Variants in SCRT1 observed in about 807,000 individuals in gnomAD.
The protein encoded by SCRT1 is transcriptional repressor scratch 1.
SCRT1 carries 1 observed loss-of-function variant against 3.4 expected under a neutral mutation model. That is an observed-to-expected ratio of 0.29 (90% CI 0.10 to 1.39). The LOEUF is 1.39. Among genes scored for constraint, SCRT1 ranks in the 40% most tolerant of loss-of-function variants. The pLI is 0.42. For synonymous variants in SCRT1, 238 were observed against 247.0 expected (o/e 0.96, Z 0.34); for missense variants, 380 against 526.3 (o/e 0.72, Z 2.72).
chr8:144,334,131 G>T lies in SCRT1; in HGVS notation c.116-15C>A. 6.6e-7 allele frequency: 1 copy of T among 1,517,084 alleles called. No homozygotes were observed. The allele number at this position is 1,517,084 out of a possible 1,614,324, so 94.0% of individuals were successfully genotyped here. A position where few individuals can be genotyped will look rare whatever the true frequency, so the allele number is the denominator to read the frequency against. ...GCTGAGGTACCCTGCGGGCGGAGGC[G>T]GACGGACAGCGGGAAGGGAATGGGG... On this transcript the variant is annotated splice_polypyrimidine_tract_variant and intron_variant, in intron 1 of 1. Transcript: ENST00000569446.
chr8:144,333,862 A>T lies in SCRT1; in HGVS notation c.370T>A (p.Ser124Thr). ...ADAFFITDGR[S>T]RRKASNAGAA... The stretch of plus-strand genomic sequence containing the variant: ...CCGGCATTGGAAGCCTTACGCCGCG[A>T]GCGCCCGTCGGTGATGAAGAAGGCG... The change falls in exon 2 of 2, where the codon TCG becomes ACG. Residue 124 changes from serine to threonine, a missense_variant. By Grantham distance (58) the Ser-to-Thr change is moderately conservative. Coordinates refer to ENST00000569446, the MANE Select transcript of SCRT1 (RefSeq NM_031309.6). 1 of 1,261,756 alleles carries T rather than the reference A, an allele frequency of 7.9e-7. No homozygotes were observed. Among genetic ancestry groups the T allele is most frequent in the South Asian group, 2.8e-5 (1 of 35,096 alleles). The allele number at this position is 1,261,756 out of a possible 1,614,324, so 78.2% of individuals were successfully genotyped here.
Position 144,336,030 on chromosome 8 carries a change from G to A in SCRT1, c.115+25C>T. 9.3e-6 allele frequency: 14 copies of A among 1,508,978 alleles called. No individual in the cohort carries two copies. The highest frequency in any genetic ancestry group is 1.3e-5 in the Non-Finnish European group (14 of 1,115,662). 93.5% of individuals were successfully genotyped at this position (1,508,978 alleles called of 1,614,324 possible). A position where few individuals can be genotyped will look rare whatever the true frequency, so the allele number is the denominator to read the frequency against. On this transcript the variant is annotated intron_variant, in intron 1 of 1. Transcript: ENST00000569446. This position sits in a 1 kb window ranked among gnomAD's most constrained non-coding sequence, Gnocchi z 6.8. ...CTTCCAGCAAAGCCCCAGGCCCCGC[G>A]CCCTGGTCTCAGACCAGCGCTCACC...
chr8:144,333,007 T>G lies in SCRT1; in HGVS notation c.*178A>C. On this transcript the variant is annotated 3_prime_UTR_variant, in exon 2 of 2. Coordinates refer to ENST00000569446, the MANE Select transcript of SCRT1 (RefSeq NM_031309.6). ...GGGTGGGTCTCCCCTCGGGACCCTA[T>G]TGCTTGAAGGGGCCGGCAAGGCCCC... 2 of 577,938 alleles carry G rather than the reference T, an allele frequency of 3.5e-6. No homozygotes were observed. The allele number at this position is 577,938 out of a possible 1,614,324, so 35.8% of individuals were successfully genotyped here. A position where few individuals can be genotyped will look rare whatever the true frequency, so the allele number is the denominator to read the frequency against.
At position 144,330,690 on chromosome 8, in the gene SCRT1, G is replaced by A. The variant is rs782696477; in HGVS notation, c.*2495C>T. Reference sequence around the variant, plus strand: ...TCCGGCCGGCCTGGCCCCAAATGGGGGCGGAAGAGGGGCACGGCCCGAGTA... The same window carrying A: ...TCCGGCCGGCCTGGCCCCAAATGGGAGCGGAAGAGGGGCACGGCCCGAGTA... On this transcript the variant is annotated 3_prime_UTR_variant, in exon 2 of 2. Transcript: ENST00000569446. 6.6e-6 allele frequency: 1 copy of A among 152,054 alleles called. No individual in the cohort carries two copies. Among genetic ancestry groups the A allele is most frequent in the Non-Finnish European group, 1.5e-5 (1 of 67,988 alleles). The allele number at this position is 152,054 out of a possible 1,614,324, so 9.4% of individuals were successfully genotyped here. A position where few individuals can be genotyped will look rare whatever the true frequency, so the allele number is the denominator to read the frequency against.
At position 144,331,544 on chromosome 8, in the gene SCRT1, TG is replaced by T. The variant is rs1554849504; in HGVS notation, c.*1640del. 2.0e-5 allele frequency: 3 copies of T among 152,338 alleles called. No individual in the cohort carries two copies. Among genetic ancestry groups the T allele is most frequent in the African/African-American group, 7.2e-5 (3 of 41,466 alleles). The allele number at this position is 152,338 out of a possible 1,614,324, so 9.4% of individuals were successfully genotyped here. A position where few individuals can be genotyped will look rare whatever the true frequency, so the allele number is the denominator to read the frequency against. On this transcript the variant is annotated 3_prime_UTR_variant, in exon 2 of 2. Transcript: ENST00000569446. ...TCCTGCAAACACACCTCCCAGCAGG[TG>T]GCTGCGCTCCTGGCGGACTCAGCAA...
chr8:144,334,833 C>T (rs562536929), intron 1 of SCRT1, among the ~76,000 whole-genome samples: 1 of 152,276 alleles, frequency 6.6e-6, no homozygotes, highest in Admixed American at 6.5e-5. Context: ...CTCTCACCAT[C>T]CTGCACCCTT....
rs1554850065 is a variant in SCRT1 at position 144,334,106 on chromosome 8, G to A, written c.126C>T (p.Ser42=). ...GAPLHDKGYL[S]DYVGPSSVYD... is the part of the protein sequence containing the mutation. Reference sequence around the variant, plus strand: ...AGACGGACGAGGGCCCCACGTAGTCGCTGAGGTACCCTGCGGGCGGAGGCG... The same window carrying A: ...AGACGGACGAGGGCCCCACGTAGTCACTGAGGTACCCTGCGGGCGGAGGCG... Residue 42 remains serine (S), a synonymous_variant, in exon 2 of 2, where the codon AGC becomes AGT. Transcript: ENST00000569446. 1 of 1,534,554 alleles carries A rather than the reference G, an allele frequency of 6.5e-7. No individual in the cohort carries two copies. The highest frequency in any genetic ancestry group is 2.5e-5 in the East Asian group (1 of 39,610).
chr8:144,336,036 G>A lies in SCRT1; in HGVS notation c.115+19C>T. 6.5e-7 allele frequency: 1 copy of A among 1,539,998 alleles called. No homozygotes were observed. Among genetic ancestry groups the A allele is most frequent in the East Asian group, 2.4e-5 (1 of 42,064 alleles). Reference sequence around the variant, plus strand: ...GCAAAGCCCCAGGCCCCGCGCCCTGGTCTCAGACCAGCGCTCACCTTTATC... The same window carrying A: ...GCAAAGCCCCAGGCCCCGCGCCCTGATCTCAGACCAGCGCTCACCTTTATC... On this transcript the variant is annotated intron_variant, in intron 1 of 1. Coordinates refer to ENST00000569446, the MANE Select transcript of SCRT1 (RefSeq NM_031309.6). The surrounding 1 kb of genome is among the most constrained non-coding windows in gnomAD (Gnocchi z 6.8).
At chr8:144,334,251 A>ACAAAGGAGAGGAGGC (rs1554850110) in intron 1 of SCRT1, 135 bp from the exon 2 acceptor site, 1 of 666,768 alleles carries the variant, frequency 1.5e-6, no homozygotes, top group East Asian at 3.2e-5. Flanking sequence ...AGGGAGGAGG[A>ACAAAGGAGAGGAGGC]CAAAGGAGAG....
rs1817758973 is a variant in SCRT1, at chr8:144,331,725, T to A, written c.*1460A>T. 1 of 150,902 alleles carries A rather than the reference T, an allele frequency of 6.6e-6. No homozygotes were observed. Among genetic ancestry groups the A allele is most frequent in the African/African-American group, 2.4e-5 (1 of 41,016 alleles). 9.3% of individuals were successfully genotyped at this position (150,902 alleles called of 1,614,324 possible). ...GTCGGGGAGGGGTGGGGAGAAAGTCTGCGCGGCCGGCCCCGCGCAGCGTCC... is the reference window on the plus strand; with the variant it reads ...GTCGGGGAGGGGTGGGGAGAAAGTCAGCGCGGCCGGCCCCGCGCAGCGTCC... On this transcript the variant is annotated 3_prime_UTR_variant, in exon 2 of 2. Transcript: ENST00000569446.
In SCRT1 at chr8:144,333,668, G is replaced by A; in HGVS notation, c.564C>T (p.Gly188=). 2 of 1,518,530 alleles carry A rather than the reference G, an allele frequency of 1.3e-6. No homozygotes were observed. Among genetic ancestry groups the A allele is most frequent in the Non-Finnish European group, 1.8e-6 (2 of 1,141,666 alleles). 94.1% of individuals were successfully genotyped at this position (1,518,530 alleles called of 1,614,324 possible). A position where few individuals can be genotyped will look rare whatever the true frequency, so the allele number is the denominator to read the frequency against. The change falls in exon 2 of 2, where the codon GGC becomes GGT. Residue 188 remains glycine (G), a synonymous_variant. Transcript: ENST00000569446. ...ARAGPGAAGA[G]GRHACGECGK... is the part of the protein sequence containing the mutation. The stretch of plus-strand genomic sequence containing the variant: ...CGCACTCGCCGCACGCGTGCCGGCC[G>A]CCAGCACCTGCGGCCCCTGGCCCCG...
At chr8:144,334,449 G>C (rs1338267204) in intron 1 of SCRT1, among the ~76,000 whole-genome samples, 1 of 151,898 alleles carries the variant, frequency 6.6e-6, no homozygotes, top group Non-Finnish European at 1.5e-5. Flanking sequence ...GGGGGGAGGG[G>C]CGGCGCTTCC....
Position 144,333,248 on chromosome 8 carries a change from G to A in SCRT1, c.984C>T (p.Phe328=), listed in dbSNP as rs782291159. The A allele has an allele frequency of 6.2e-7, 1 of 1,608,710 alleles. No homozygotes were observed. Among genetic ancestry groups the A allele is most frequent in the Admixed American group, 1.7e-5 (1 of 59,116 alleles). ...CCGCGGGGCCTCCGGCGCCGCCCTT[G>A]AAGCAGGCCGACTCGTAGTGCTTGT... ...YLNKHYESAC[F]KGGAGGPAAP... Residue 328 remains phenylalanine (F), a synonymous_variant, in exon 2 of 2, where the codon TTC becomes TTT. Transcript: ENST00000569446.
intron 1 of SCRT1, among the ~76,000 whole-genome samples, chr8:144,334,870 T>C (rs1554850166): frequency 6.6e-6 from 1 of 152,084 alleles, no homozygotes; most frequent in East Asian, 1.9e-4. Flanking sequence ...AACATTGCCC[T>C]CTCCTGCTCA....
At position 144,332,182 on chromosome 8, in the gene SCRT1, G is replaced by C. The variant is rs1249184838; in HGVS notation, c.*1003C>G. 6.6e-6 allele frequency: 1 copy of C among 152,274 alleles called. No homozygotes were observed. Among genetic ancestry groups the C allele is most frequent in the Non-Finnish European group, 1.5e-5 (1 of 68,052 alleles). The allele number at this position is 152,274 out of a possible 1,614,324, so 9.4% of individuals were successfully genotyped here. On this transcript the variant is annotated 3_prime_UTR_variant, in exon 2 of 2. Transcript: ENST00000569446. ...CCGGACATCCCAGGCCCCCGGCGTC[G>C]GCGGGCAAGATGGGGGTTCAGCGCC...
In SCRT1 at chr8:144,333,224, C is replaced by T. The variant is rs1554849813; in HGVS notation, c.1008G>A (p.Ala336=). 6.3e-7 allele frequency: 1 copy of T among 1,590,956 alleles called. No homozygotes were observed. Among genetic ancestry groups the T allele is most frequent in the Non-Finnish European group, 8.5e-7 (1 of 1,170,954 alleles). Residue 336 remains alanine (A), a synonymous_variant, in exon 2 of 2, where the codon GCG becomes GCA. Coordinates refer to ENST00000569446, the MANE Select transcript of SCRT1 (RefSeq NM_031309.6). The part of the protein sequence containing the change: ...ACFKGGAGGP[A]APAPPQLSPV... Reference sequence around the variant, plus strand: ...GGCTGAGCTGTGGCGGCGCAGGAGCCGCGGGGCCTCCGGCGCCGCCCTTGA... The same window carrying T: ...GGCTGAGCTGTGGCGGCGCAGGAGCTGCGGGGCCTCCGGCGCCGCCCTTGA...
chr8:144,333,084 G>A lies in SCRT1; in HGVS notation c.*101C>T, dbSNP rs1443682968. The A allele has an allele frequency of 2.8e-6, 3 of 1,057,556 alleles. No homozygotes were observed. Among genetic ancestry groups the A allele is most frequent in the Non-Finnish European group, 3.9e-6 (3 of 760,448 alleles). 65.5% of individuals were successfully genotyped at this position (1,057,556 alleles called of 1,614,324 possible). ...GCCCCCCTCCCCCTATTGCTGTGAG[G>A]AGGGGCCCGCCCTCCGGCCCCTCCA... On this transcript the variant is annotated 3_prime_UTR_variant, in exon 2 of 2. Coordinates refer to ENST00000569446, the MANE Select transcript of SCRT1 (RefSeq NM_031309.6).
chr8:144,333,307 A>G lies in SCRT1; in HGVS notation c.925T>C (p.Cys309Arg). Residue 309 changes from cysteine (C) to arginine (R), a missense_variant, in exon 2 of 2, where the codon TGC becomes CGC. Coordinates refer to ENST00000569446, the MANE Select transcript of SCRT1 (RefSeq NM_031309.6). ...SAFKHFQCKR[C>R]KKSFALKSYL... ...GACTTGAGCGCGAAGCTCTTCTTGC[A>G]GCGCTTGCACTGGAAGTGCTTGAAG... 6.2e-7 allele frequency: 1 copy of G among 1,612,934 alleles called. No individual in the cohort carries two copies. The highest frequency in any genetic ancestry group is 8.5e-7 in the Non-Finnish European group (1 of 1,179,782).
chr8:144,335,921 G>A lies in SCRT1; in HGVS notation c.115+134C>T, dbSNP rs979496411. ...CCTCCCCTCTACCGTCCAGGCTCCA[G>A]CCACAGACTCTTGCCGTTTCTGGTT... On this transcript the variant is annotated intron_variant, in intron 1 of 1. Coordinates refer to ENST00000569446, the MANE Select transcript of SCRT1 (RefSeq NM_031309.6). The surrounding 1 kb of genome is among the most constrained non-coding windows in gnomAD (Gnocchi z 7.7). 5 of 624,062 alleles carry A rather than the reference G, an allele frequency of 8.0e-6. No individual in the cohort carries two copies. The Admixed American group carries it at 1.3e-4, about 17-fold the overall frequency. 38.7% of individuals were successfully genotyped at this position (624,062 alleles called of 1,614,324 possible). A position where few individuals can be genotyped will look rare whatever the true frequency, so the allele number is the denominator to read the frequency against.
Sources: gnomAD v4.1 joint callset for allele counts (sites outside exome capture counted in the v4.1 genomes callset) on GRCh38, gnomAD v4.1.1 for gene constraint, Gnocchi (gnomAD v3.1) non-coding constraint, MANE v1.5 for transcripts, NCBI Gene and HGNC (gene_info 2026-07-23, HGNC 2026-07-21) for gene names.